The following GPC5 variants were observed in gnomAD, a reference collection of about 807,000 sequenced individuals.
GPC5 encodes glypican 5, also known as glypican-5.
A neutral mutation model predicts 53.9 loss-of-function variants in GPC5; 47 were observed. The observed-to-expected ratio is 0.87, with a 90% CI of 0.69 to 1.11. The LOEUF is 1.11. GPC5 is among the 50% of genes most tolerant of loss of function. GPC5 has a pLI of 0.00. For synonymous variants in GPC5, 286 were observed against 263.3 expected, an observed-to-expected ratio of 1.09 and a Z score of -0.84; for missense variants, 748 against 713.1, an observed-to-expected ratio of 1.05 and a Z score of -0.56.
chr13:91,471,487 A>G (rs1882621214), intron 2 of GPC5, among the ~76,000 whole-genome samples: 3 of 152,164 alleles, frequency 2.0e-5, no homozygotes, highest in African/African-American at 7.2e-5. Context: ...GTACTGGGAT[A>G]TACTTTTTCA....
intron 5 of GPC5, among the ~76,000 whole-genome samples, chr13:91,760,613 A>C (rs183763407): frequency 1.3e-5 from 2 of 152,292 alleles, no homozygotes; most frequent in East Asian, 1.9e-4. Flanking sequence ...ATAAGAGTGA[A>C]GCAATTATTT....
At chr13:92,753,405 C>T (rs1266175743) in intron 7 of GPC5, among the ~76,000 whole-genome samples, 3 of 152,184 alleles carry the variant, frequency 2.0e-5, no homozygotes, top group African/African-American at 7.2e-5. Flanking sequence ...AAACTGGAAA[C>T]TCTAAAGAGC....
intron 7 of GPC5, among the ~76,000 whole-genome samples, chr13:92,469,728 G>A (rs963873198): frequency 6.6e-5 from 10 of 151,950 alleles, no homozygotes; most frequent in Non-Finnish European, 1.5e-4. Context: ...AATTTCCCAC[G>A]TCTCTTGCAA....
At chr13:92,073,028 T>C (rs773508083) in intron 6 of GPC5, among the ~76,000 whole-genome samples, 1 of 110,630 alleles carries the variant, frequency 9.0e-6, no homozygotes, top group Non-Finnish European at 2.0e-5. Context: ...TCATCTTACT[T>C]AAACCTACCT....
chr13:92,670,455 G>A (rs1342963359), intron 7 of GPC5, among the ~76,000 whole-genome samples: 2 of 152,176 alleles, frequency 1.3e-5, no homozygotes, highest in Non-Finnish European at 2.9e-5. Context: ...TTCTCTAAAT[G>A]TCTCACCAGC....
chr13:91,770,962 G>A (rs2037613889), intron 5 of GPC5, among the ~76,000 whole-genome samples: 2 of 152,132 alleles, frequency 1.3e-5, no homozygotes, highest in Admixed American at 6.6e-5. Context: ...ATGAAAGTCT[G>A]TCATGTTTGT....
chr13:92,724,645 A>C (rs1888587787), intron 7 of GPC5, among the ~76,000 whole-genome samples: 1 of 151,680 alleles, frequency 6.6e-6, no homozygotes, highest in Admixed American at 6.6e-5. Context: ...TATTCCACTT[A>C]CGTGAGGTAT....
In GPC5 at chr13:92,429,247, A is replaced by T. The variant is rs970098027; in HGVS notation, c.1561+284258A>T. ...CATTCAAAATTAAAGTAATTGTGAC[A>T]TTTTATTCATGTTATAAAGAGAATC... On this transcript the variant is annotated intron_variant, in intron 7 of 7. Transcript: ENST00000377067. Among the ~76,000 whole-genome samples the T allele has an allele frequency of 9.2e-5, 14 of 152,122 alleles. No individual in the cohort carries two copies. The East Asian group carries it at 2.7e-3, about 29-fold the overall frequency.
At position 91,822,328 on chromosome 13, in the gene GPC5, G is replaced by A. The variant is rs79648931; in HGVS notation, c.1280+65908G>A. On this transcript the variant is annotated intron_variant, in intron 5 of 7. Transcript: ENST00000377067. ...TTTCCATGGACACTCTTTGCTCTTT[G>A]GAAGAGTGGCAGGATGGACTTTCAT... Among the ~76,000 whole-genome samples, 1,267 of 152,262 alleles carry A rather than the reference G, an allele frequency of 8.3e-3. 8 individuals carry two copies. Among genetic ancestry groups the A allele is most frequent in the Non-Finnish European group, 0.015 (1,009 of 68,014 alleles).
intron 7 of GPC5, among the ~76,000 whole-genome samples, chr13:92,812,621 G>A (rs1036539310): frequency 6.6e-6 from 1 of 151,634 alleles, no homozygotes; most frequent in South Asian, 2.1e-4. Flanking sequence ...AGGCAACTAG[G>A]TAAGAAAAAG....
intron 6 of GPC5, among the ~76,000 whole-genome samples, chr13:91,942,193 C>T (rs1468748946): frequency 3.3e-5 from 5 of 151,908 alleles, no homozygotes; most frequent in Non-Finnish European, 4.4e-5. Context: ...TTCAATTTAC[C>T]CTTTTCTTTA....
chr13:92,218,233 A>G (rs2042425036), intron 7 of GPC5, among the ~76,000 whole-genome samples: 1 of 152,046 alleles, frequency 6.6e-6, no homozygotes, highest in African/African-American at 2.4e-5. Flanking sequence ...ATTTATACCA[A>G]ACAGAAATTG....
intron 7 of GPC5, among the ~76,000 whole-genome samples, chr13:92,771,906 A>T (rs1052059150): frequency 2.6e-5 from 4 of 152,164 alleles, no homozygotes; most frequent in African/African-American, 9.7e-5. Flanking sequence ...TAGGAAAATC[A>T]AATTTCATTC....
intron 6 of GPC5, among the ~76,000 whole-genome samples, chr13:91,938,579 G>A (rs1381182701): frequency 1.3e-5 from 2 of 152,154 alleles, no homozygotes; most frequent in Non-Finnish European, 2.9e-5. Flanking sequence ...CAGAATAGAT[G>A]TCAAGGCCAC....
intron 7 of GPC5, among the ~76,000 whole-genome samples, chr13:92,732,905 G>T (rs542412396): frequency 6.6e-6 from 1 of 151,666 alleles, no homozygotes; most frequent in East Asian, 2.0e-4. Context: ...CCCATCCTGA[G>T]ATTTTATTCT....
At chr13:92,294,487 A>G (rs1274579427) in intron 7 of GPC5, among the ~76,000 whole-genome samples, 2 of 152,192 alleles carry the variant, frequency 1.3e-5, no homozygotes, top group East Asian at 3.9e-4. Context: ...TTATGCATGT[A>G]AATGTGTTCA....
At chr13:92,798,578 T>C (rs536679439) in intron 7 of GPC5, among the ~76,000 whole-genome samples, 1 of 151,912 alleles carries the variant, frequency 6.6e-6, no homozygotes, top group Non-Finnish European at 1.5e-5. Flanking sequence ...TTTCAAGGCA[T>C]TCAGATAGGA....
At chr13:91,969,019 A>G (rs550240571) in intron 6 of GPC5, among the ~76,000 whole-genome samples, 1 of 151,098 alleles carries the variant, frequency 6.6e-6, no homozygotes, top group Admixed American at 6.6e-5. Context: ...ACCAGGCTGG[A>G]TTGCAGTGGT....
At position 92,257,979 on chromosome 13, in the gene GPC5, T is replaced by A. The variant is rs889387097; in HGVS notation, c.1561+112990T>A. Among the ~76,000 whole-genome samples the A allele has an allele frequency of 3.1e-4, 47 of 152,224 alleles. 1 individual carries two copies. Among genetic ancestry groups the A allele is most frequent in the African/African-American group, 9.9e-4 (41 of 41,464 alleles). On this transcript the variant is annotated intron_variant, in intron 7 of 7. Transcript: ENST00000377067. ...GTTTTATTTAAAAGGTATAATTTTT[T>A]AAAAAGTAATTTGTTTTAGTTCTTT...
Sources: allele counts gnomAD v4.1 joint callset (sites outside exome capture counted in the v4.1 genomes callset), GRCh38; gene constraint gnomAD v4.1.1; transcripts MANE v1.5; gene names NCBI Gene and HGNC (gene_info 2026-07-23, HGNC 2026-07-21).